Variants in DZANK1 observed in about 807,000 individuals in gnomAD.
The protein encoded by DZANK1 is double zinc ribbon and ankyrin repeat-containing protein 1.
In DZANK1, 91 loss-of-function variants were observed where a neutral mutation model predicts 94.5. The observed-to-expected ratio is 0.96, with a 90% CI of 0.81 to 1.15. The LOEUF is 1.15. Ranked by LOEUF, DZANK1 falls within the 50% of genes most tolerant of loss-of-function variation. The probability of loss-of-function intolerance (pLI) is 0.00; values close to 1 mark genes in which losing one functional copy is unlikely to be tolerated. For missense variants in DZANK1, 903 were observed against 916.4 expected (o/e 0.99, Z 0.19); for synonymous variants, 312 against 325.3 (o/e 0.96, Z 0.44).
chr20:18,426,473 A>C (rs16979106), intron 10 of DZANK1, among the ~76,000 whole-genome samples: 12,831 of 152,272 alleles, frequency 0.084, 577 homozygotes, highest in East Asian at 0.13. Context: ...ACCCAAAAGA[A>C]GCAAGTTGGC....
chr20:18,400,658 T>G (rs1228180122), intron 13 of DZANK1, among the ~76,000 whole-genome samples: 1 of 152,220 alleles, frequency 6.6e-6, no homozygotes, highest in Non-Finnish European at 1.5e-5. Context: ...GCTTGGGGCA[T>G]CTGGAGAGTC....
intron 9 of DZANK1, chr20:18,432,847 A>C (rs374860388): frequency 6.6e-6 from 1 of 152,212 alleles, no homozygotes; most frequent in East Asian, 1.9e-4. Flanking sequence ...TGTATGTTTA[A>C]AGATTCTATC....
At chr20:18,456,442 T>C (rs113744966) in intron 3 of DZANK1, among the ~76,000 whole-genome samples, 3 of 152,344 alleles carry the variant, frequency 2.0e-5, no homozygotes, top group African/African-American at 7.2e-5. Context: ...GACATAAAAT[T>C]CATCTATTTT....
At position 18,393,709 on chromosome 20, in the gene DZANK1, A is replaced by C. The variant is rs2056152462; in HGVS notation, c.1809+2T>G. 1 of 1,592,802 alleles carries C rather than the reference A, an allele frequency of 6.3e-7. No homozygotes were observed. Among genetic ancestry groups the C allele is most frequent in the Non-Finnish European group, 8.6e-7 (1 of 1,162,650 alleles). On this transcript the variant is annotated splice_donor_variant, in intron 17 of 20. Coordinates refer to ENST00000262547, the Ensembl canonical transcript of DZANK1. LOFTEE classifies it high-confidence loss of function. ...CCACAAGGACCAAAAAAAGACACTT[A>C]CTATAAGCTGCTCCTTCTTTTCTTG...
chr20:18,453,933 T>C (rs561387184), intron 4 of DZANK1, 106 bp from the exon 5 acceptor site: 1 of 826,872 alleles, frequency 1.2e-6, no homozygotes. Flanking sequence ...TTTGAAAGAG[T>C]TTATGGTCAT....
At chr20:18,458,757 C>T (rs2059373510) in intron 3 of DZANK1, among the ~76,000 whole-genome samples, 1 of 152,176 alleles carries the variant, frequency 6.6e-6, no homozygotes, top group Non-Finnish European at 1.5e-5. Context: ...AGAACGCACA[C>T]TTACAACCCC....
At chr20:18,398,019 C>A (rs2056447914) in intron 14 of DZANK1, among the ~76,000 whole-genome samples, 1 of 152,142 alleles carries the variant, frequency 6.6e-6, no homozygotes, top group Non-Finnish European at 1.5e-5. Context: ...CAGATTCTAC[C>A]ATTTGAGGGG....
intron 13 of DZANK1, among the ~76,000 whole-genome samples, chr20:18,407,243 TC>T (rs2057010635): frequency 6.6e-6 from 1 of 152,154 alleles, no homozygotes; most frequent in African/African-American, 2.4e-5. Flanking sequence ...ACCCCTAGTT[TC>T]AGGTGGCTCA....
intron 10 of DZANK1, chr20:18,421,211 A>G (rs1699238418): frequency 6.3e-6 from 1 of 157,964 alleles, no homozygotes; most frequent in Admixed American, 6.5e-5. Context: ...AAGGGCACTT[A>G]GTAAATTTCA....
chr20:18,384,664 C>T, intron 20 of DZANK1, 100 bp from the exon 21 acceptor site: 2 of 1,259,020 alleles, frequency 1.6e-6, no homozygotes, highest in Non-Finnish European at 1.1e-6. Flanking sequence ...CTGGGCCCCT[C>T]CTGGTCCCAC....
chr20:18,403,061 G>A (rs1401128949), intron 13 of DZANK1, among the ~76,000 whole-genome samples: 2 of 152,176 alleles, frequency 1.3e-5, no homozygotes, highest in Admixed American at 1.3e-4. Context: ...AGTTCCCAAA[G>A]GGGTGTAGTA....
At chr20:18,434,972 A>G (rs1048777353) in intron 8 of DZANK1, among the ~76,000 whole-genome samples, 4 of 152,212 alleles carry the variant, frequency 2.6e-5, no homozygotes, top group Admixed American at 2.0e-4. Flanking sequence ...TAATTCAATG[A>G]TAGGGGCTTG....
chr20:18,389,730 T>C (rs374369210), exon 19 of DZANK1: 118 of 1,613,826 alleles, frequency 7.3e-5, no homozygotes, highest in Non-Finnish European at 9.2e-5. Flanking sequence ...TGTCTGCTCC[T>C]CTCTGCACGA....
Position 18,422,100 on chromosome 20 carries a change from C to T in DZANK1, c.954+4967G>A, listed in dbSNP as rs8124994. On this transcript the variant is annotated intron_variant, in intron 10 of 20. Transcript: ENST00000262547. ...TTTGTCTATTTTTTGCTTTTGTTGC[C>T]GGTGCTTTGGGGGTCATATCCGAAA... Among the ~76,000 whole-genome samples the T allele has an allele frequency of 5.2e-3, 783 of 152,004 alleles. 7 individuals carry two copies. The highest frequency in any genetic ancestry group is 0.046 in the South Asian group (222 of 4,798).
intron 3 of DZANK1, 134 bp downstream of exon 3, chr20:18,460,019 T>C (rs1601188468): frequency 6.2e-6 from 4 of 643,996 alleles, no homozygotes; most frequent in Non-Finnish European, 9.7e-6. Flanking sequence ...GTTACATACA[T>C]ATGCTGAAAT....
chr20:18,419,562 A>G (rs2057673460), intron 10 of DZANK1, among the ~76,000 whole-genome samples: 1 of 152,242 alleles, frequency 6.6e-6, no homozygotes, highest in African/African-American at 2.4e-5. Context: ...CATCCCGTAC[A>G]TGAAAATGTC....
rs573699090 is a variant in DZANK1, at chr20:18,390,568, G to T, written c.1810-109C>A. 10 of 930,338 alleles carry T rather than the reference G, an allele frequency of 1.1e-5. No homozygotes were observed. In the South Asian group the frequency reaches 1.3e-4, roughly 12 times the overall value. 57.6% of individuals were successfully genotyped at this position (930,338 alleles called of 1,614,324 possible). On this transcript the variant is annotated intron_variant, in intron 17 of 20. Coordinates refer to ENST00000262547, the Ensembl canonical transcript of DZANK1. ...AAGTCACAAGGACAGGTGACTATGA[G>T]TGTGTGCATGTGTGAGTGTGTGAGT...
intron 13 of DZANK1, among the ~76,000 whole-genome samples, chr20:18,408,633 A>T (rs2182773): frequency 0.37 from 55,623 of 152,076 alleles, 11,049 homozygotes; most frequent in Middle Eastern, 0.46. Flanking sequence ...GAAAAAAATT[A>T]AAAAAGTTTT....
At chr20:18,410,651 A>T (rs921063625) in intron 13 of DZANK1, among the ~76,000 whole-genome samples, 1 of 152,180 alleles carries the variant, frequency 6.6e-6, no homozygotes, top group South Asian at 2.1e-4. Flanking sequence ...TGGACAAAAA[A>T]CCCTGATTCA....
Sources: allele counts gnomAD v4.1 joint callset (sites outside exome capture counted in the v4.1 genomes callset), GRCh38; gene constraint gnomAD v4.1.1; transcripts MANE v1.5; gene names NCBI Gene and HGNC (gene_info 2026-07-23, HGNC 2026-07-21).